Variants in NGFR observed in about 807,000 individuals in gnomAD.
NGFR encodes the protein nerve growth factor receptor.
Under a neutral mutation model 43.2 loss-of-function variants are expected in NGFR, and 30 were observed. That is an observed-to-expected ratio of 0.69 (90% CI 0.52 to 0.94). NGFR has a LOEUF of 0.94. Ranked by LOEUF, NGFR falls within the 40% of genes least tolerant of loss-of-function variation. The pLI, the probability that NGFR is intolerant of heterozygous loss-of-function variation, is 0.00. For missense variants in NGFR, 529 were observed against 602.5 expected (o/e 0.88, Z 1.28); for synonymous variants, 246 against 259.6 (o/e 0.95, Z 0.50).
At chr17:49,504,947 T>A (rs2071188363) in intron 2 of NGFR, among the ~76,000 whole-genome samples, 1 of 151,934 alleles carries the variant, frequency 6.6e-6, no homozygotes, top group African/African-American at 2.4e-5. Context: ...AATTTTTGTA[T>A]TTTTTATAGA....
In NGFR at chr17:49,513,081, G is replaced by C. The variant is rs977754410; in HGVS notation, c.*72G>C. 1.4e-6 allele frequency: 2 copies of C among 1,411,970 alleles called. No homozygotes were observed. The highest frequency in any genetic ancestry group is 2.9e-5 in the African/African-American group (2 of 69,418). The allele number at this position is 1,411,970 out of a possible 1,614,324, so 87.5% of individuals were successfully genotyped here. A position where few individuals can be genotyped will look rare whatever the true frequency, so the allele number is the denominator to read the frequency against. On this transcript the variant is annotated 3_prime_UTR_variant, in exon 6 of 6. Transcript: ENST00000172229. ...GCTCCAGCCAACCCCTGTGGAGCCC[G>C]CACCCCCACCCTTTGGGGGGGGCCC...
At position 49,512,933 on chromosome 17, in the gene NGFR, C is replaced by T; in HGVS notation, c.1208C>T (p.Ala403Val). Reference sequence around the variant, plus strand: ...AGCGCCACACTGGACGCCCTCCTGGCCGCCCTGCGCCGCATCCAGCGAGCC... The same window carrying T: ...AGCGCCACACTGGACGCCCTCCTGGTCGCCCTGCGCCGCATCCAGCGAGCC... ...QDSATLDALL[A>V]ALRRIQRADL... Residue 403 changes from alanine (A) to valine (V), a missense_variant, in exon 6 of 6, where the codon GCC becomes GTC. By Grantham distance (64) the Ala-to-Val change is moderately conservative. Transcript: ENST00000172229. The surrounding 1 kb of genome is among the most constrained non-coding windows in gnomAD (Gnocchi z 5.2). The T allele has an allele frequency of 1.9e-6, 3 of 1,611,168 alleles. No individual in the cohort carries two copies. The highest frequency in any genetic ancestry group is 2.5e-6 in the Non-Finnish European group (3 of 1,178,980).
intron 1 of NGFR, 63 bp from the exon 2 acceptor site, chr17:49,502,000 A>AGGGGC: frequency 7.6e-6 from 2 of 264,886 alleles, no homozygotes; most frequent in Non-Finnish European, 1.6e-5. Context: ...CCCCGGAAGA[A>AGGGGC]CCCCCCCCAA....
In NGFR at chr17:49,514,865, G is replaced by A. The variant is rs2071259941; in HGVS notation, c.*1856G>A. 6.7e-6 allele frequency: 1 copy of A among 149,850 alleles called. No homozygotes were observed. The highest frequency in any genetic ancestry group is 2.5e-5 in the African/African-American group (1 of 40,540). 9.3% of individuals were successfully genotyped at this position (149,850 alleles called of 1,614,324 possible). ...CTGAGATGGAACCCTTTTGGCCCCCGAGCTGGGGGCCATGAGCTCCAGACC... is the reference window on the plus strand; with the variant it reads ...CTGAGATGGAACCCTTTTGGCCCCCAAGCTGGGGGCCATGAGCTCCAGACC... On this transcript the variant is annotated 3_prime_UTR_variant, in exon 6 of 6. Coordinates refer to ENST00000172229, the MANE Select transcript of NGFR (RefSeq NM_002507.4).
rs369252030 is a variant in NGFR, at chr17:49,495,436, G to C, written c.19G>C (p.Gly7Arg). 1.3e-4 allele frequency: 164 copies of C among 1,235,920 alleles called. No individual in the cohort carries two copies. The African/African-American group carries it at 2.4e-3, about 18-fold the overall frequency. 76.6% of individuals were successfully genotyped at this position (1,235,920 alleles called of 1,614,324 possible). A position where few individuals can be genotyped will look rare whatever the true frequency, so the allele number is the denominator to read the frequency against. Residue 7 changes from glycine to arginine, a missense_variant, in exon 1 of 6, where the codon GGC (glycine) becomes CGC (arginine). Transcript: ENST00000172229. The surrounding 1 kb of genome is among the most constrained non-coding windows in gnomAD (Gnocchi z 6.4). MGAGAT[G>R]RAMDGPRLLL... The stretch of plus-strand genomic sequence containing the variant: ...GCGGGCGATGGGGGCAGGTGCCACC[G>C]GCCGCGCCATGGACGGGCCGCGCCT...
At chr17:49,510,857 C>G (rs1372679220) in intron 4 of NGFR, 193 bp downstream of exon 4, 1 of 640,826 alleles carries the variant, frequency 1.6e-6, no homozygotes. Context: ...ATCCACCTGT[C>G]CTGTCCTGTC....
chr17:49,503,954 G>A (rs1205807016), intron 2 of NGFR, among the ~76,000 whole-genome samples: 1 of 152,154 alleles, frequency 6.6e-6, no homozygotes, highest in Non-Finnish European at 1.5e-5. Flanking sequence ...CAGAATCTCT[G>A]GAAGGGAAGG....
chr17:49,514,279 C>G lies in NGFR; in HGVS notation c.*1270C>G, dbSNP rs140850504. 58 of 157,636 alleles carry G rather than the reference C, an allele frequency of 3.7e-4. No individual in the cohort carries two copies. Among genetic ancestry groups the G allele is most frequent in the Non-Finnish European group, 5.2e-4 (37 of 71,338 alleles). 9.8% of individuals were successfully genotyped at this position (157,636 alleles called of 1,614,324 possible). A position where few individuals can be genotyped will look rare whatever the true frequency, so the allele number is the denominator to read the frequency against. ...GCTTACACGTGGAGGAATGCTCCCC[C>G]ATCCTCCCCTTCCCTGCAAACATGG... On this transcript the variant is annotated 3_prime_UTR_variant, in exon 6 of 6. Transcript: ENST00000172229.
In NGFR at chr17:49,506,670, T is replaced by G; in HGVS notation, c.568+12T>G. On this transcript the variant is annotated intron_variant, in intron 3 of 5. Transcript: ENST00000172229. ...CGCCGAGTGCGAGGGTGAGTGCGGTTCGGGGGGCGGGGGGAGTGGGGGTGC... is the reference window on the plus strand; with the variant it reads ...CGCCGAGTGCGAGGGTGAGTGCGGTGCGGGGGGCGGGGGGAGTGGGGGTGC... 5.8e-6 allele frequency: 1 copy of G among 171,968 alleles called. No individual in the cohort carries two copies. The highest frequency in any genetic ancestry group is 7.2e-6 in the Non-Finnish European group (1 of 139,226). 10.7% of individuals were successfully genotyped at this position (171,968 alleles called of 1,614,324 possible).
At position 49,507,800 on chromosome 17, in the gene NGFR, G is replaced by T. The variant is rs148551078; in HGVS notation, c.568+1142G>T. Reference sequence around the variant, plus strand: ...TCAGTGAGCCCCCAGTTTGATGGGAGAGATAGCCTTCGCCCAGTCTAATGA... The same window carrying T: ...TCAGTGAGCCCCCAGTTTGATGGGATAGATAGCCTTCGCCCAGTCTAATGA... On this transcript the variant is annotated intron_variant, in intron 3 of 5. Transcript: ENST00000172229. 6.6e-3 allele frequency among the ~76,000 whole-genome samples: 1,002 copies of T among 152,348 alleles called. 5 individuals are homozygous for T. The highest frequency in any genetic ancestry group is 0.011 in the Non-Finnish European group (738 of 68,030).
intron 1 of NGFR, among the ~76,000 whole-genome samples, chr17:49,501,166 T>C (rs2071165015): frequency 6.6e-6 from 1 of 152,228 alleles, no homozygotes; most frequent in African/African-American, 2.4e-5. Context: ...CGAGCAAAGA[T>C]GCTTCAGTGG....
chr17:49,511,804 G>T, intron 4 of NGFR, 88 bp from the exon 5 acceptor site: 1 of 1,410,400 alleles, frequency 7.1e-7, no homozygotes, highest in South Asian at 1.6e-5. Context: ...CATGCCCCTG[G>T]CCCTCACACG....
chr17:49,495,416 C>A lies in NGFR; in HGVS notation c.-2C>A. ...GTCGAGCGCTGCCGCGGGAGGCGGGCGATGGGGGCAGGTGCCACCGGCCGC... is the reference window on the plus strand; with the variant it reads ...GTCGAGCGCTGCCGCGGGAGGCGGGAGATGGGGGCAGGTGCCACCGGCCGC... On this transcript the variant is annotated 5_prime_UTR_variant, in exon 1 of 6. Transcript: ENST00000172229. This position sits in a 1 kb window ranked among gnomAD's most constrained non-coding sequence, Gnocchi z 6.4. 8.1e-7 allele frequency: 1 copy of A among 1,234,790 alleles called. No homozygotes were observed. The highest frequency in any genetic ancestry group is 1.0e-6 in the Non-Finnish European group (1 of 988,358). The allele number at this position is 1,234,790 out of a possible 1,614,324, so 76.5% of individuals were successfully genotyped here. A position where few individuals can be genotyped will look rare whatever the true frequency, so the allele number is the denominator to read the frequency against.
Position 49,506,022 on chromosome 17 carries a change from C to T in NGFR, c.209-277C>T, listed in dbSNP as rs11466135. 4.9e-3 allele frequency: 2,387 copies of T among 487,812 alleles called. 45 individuals carry two copies. Among genetic ancestry groups the T allele is most frequent in the African/African-American group, 0.036 (1,841 of 50,630 alleles). The allele number at this position is 487,812 out of a possible 1,614,324, so 30.2% of individuals were successfully genotyped here. On this transcript the variant is annotated intron_variant, in intron 2 of 5. Coordinates refer to ENST00000172229, the MANE Select transcript of NGFR (RefSeq NM_002507.4). ...AAAGAGAATTTGCCAAGAAACTTAG[C>T]GGCACCAGCTGGGTTATGCCGGAAA...
intron 1 of NGFR, 21 bp from the exon 2 acceptor site, chr17:49,502,042 C>A: frequency 1.4e-6 from 2 of 1,440,884 alleles, no homozygotes; most frequent in Non-Finnish European, 1.9e-6. Context: ...CAGTCTGACC[C>A]TCCGATCTCC....
chr17:49,495,617 T>A lies in NGFR; in HGVS notation c.66+134T>A, dbSNP rs1428278166. On this transcript the variant is annotated intron_variant, in intron 1 of 5. Coordinates refer to ENST00000172229, the MANE Select transcript of NGFR (RefSeq NM_002507.4). This position sits in a 1 kb window ranked among gnomAD's most constrained non-coding sequence, Gnocchi z 6.4. ...TGAGGGTGGGTGGTGGGAAAGGACC[T>A]CTGATGCCGGGACCACGAAGGAGGG... 1 of 786,436 alleles carries A rather than the reference T, an allele frequency of 1.3e-6. No homozygotes were observed. The highest frequency in any genetic ancestry group is 1.7e-6 in the Non-Finnish European group (1 of 579,374). The allele number at this position is 786,436 out of a possible 1,614,324, so 48.7% of individuals were successfully genotyped here. A position where few individuals can be genotyped will look rare whatever the true frequency, so the allele number is the denominator to read the frequency against.
chr17:49,504,131 C>G (rs1292564368), intron 2 of NGFR, among the ~76,000 whole-genome samples: 1 of 152,164 alleles, frequency 6.6e-6, no homozygotes, highest in Non-Finnish European at 1.5e-5. Context: ...TTCCCTCTAC[C>G]CTTAAAACGT....
In NGFR at chr17:49,513,454, A is replaced by ACTCT. The variant is rs2071248524; in HGVS notation, c.*445_*446insCTCT. ...TGGACTCTACACTGTGAACTTGGGG[A>ACTCT]ACAAGGGTGGCATCCCAGTGGCCTC... is the stretch of plus-strand genomic sequence containing the variant. On this transcript the variant is annotated 3_prime_UTR_variant, in exon 6 of 6. Coordinates refer to ENST00000172229, the MANE Select transcript of NGFR (RefSeq NM_002507.4). The ACTCT allele has an allele frequency of 6.1e-6, 1 of 162,716 alleles. No individual in the cohort carries two copies. Among genetic ancestry groups the ACTCT allele is most frequent in the African/African-American group, 2.4e-5 (1 of 41,820 alleles). 10.1% of individuals were successfully genotyped at this position (162,716 alleles called of 1,614,324 possible).
rs1300790082 is a variant in NGFR, at chr17:49,502,213, AG to A, written c.208+12del. On this transcript the variant is annotated intron_variant, in intron 2 of 5. Coordinates refer to ENST00000172229, the MANE Select transcript of NGFR (RefSeq NM_002507.4). ...TGAGCCCTGCCTGGACAGTGAGTAG[AG>A]GGTGGCGGGCAGGAGGAGGGGAGAA... is the stretch of plus-strand genomic sequence containing the variant. 5 of 1,586,354 alleles carry A rather than the reference AG, an allele frequency of 3.2e-6. No individual in the cohort carries two copies. In the East Asian group the frequency reaches 1.1e-4, roughly 36 times the overall value.
Sources: gnomAD v4.1 joint callset for allele counts (sites outside exome capture counted in the v4.1 genomes callset) on GRCh38, gnomAD v4.1.1 for gene constraint, Gnocchi (gnomAD v3.1) non-coding constraint, MANE v1.5 for transcripts, NCBI Gene and HGNC (gene_info 2026-07-23, HGNC 2026-07-21) for gene names.